Variants in HS6ST2 observed in about 807,000 individuals in gnomAD.
HS6ST2 encodes the protein heparan-sulfate 6-O-sulfotransferase 2.
In HS6ST2, 17 loss-of-function variants were observed where a neutral mutation model predicts 33.0. The ratio of observed to expected loss-of-function variants is 0.52; its 90% CI spans 0.35 to 0.77. The LOEUF is 0.77. HS6ST2 is among the 30% of genes least tolerant of loss of function. The pLI is 0.01. For missense variants in HS6ST2, 519 were observed against 551.7 expected (o/e 0.94, Z 0.59); for synonymous variants, 248 against 237.1 (o/e 1.05, Z -0.42).
At chrX:132,838,339 GA>G (rs60047696) in intron 2 of HS6ST2, among the ~76,000 whole-genome samples, 1,260 of 111,832 alleles carry the variant, frequency 0.011, 22 homozygotes, top group African/African-American at 0.039. Context: ...CCCTGTATCT[GA>G]AAGCAAGTAG....
chrX:132,910,480 A>G (rs1478425410), intron 2 of HS6ST2, among the ~76,000 whole-genome samples: 5 of 111,911 alleles, frequency 4.5e-5, no homozygotes, highest in Non-Finnish European at 5.6e-5. Flanking sequence ...CAACTTATAT[A>G]TATTCTTTCA....
At chrX:132,892,219 T>A (rs1248377292) in intron 2 of HS6ST2, among the ~76,000 whole-genome samples, 1 of 112,375 alleles carries the variant, frequency 8.9e-6, no homozygotes, top group East Asian at 2.8e-4. Flanking sequence ...CTGTAAATTT[T>A]CAACAGTATT....
chrX:132,916,720 G>T (rs2213463), intron 2 of HS6ST2, among the ~76,000 whole-genome samples: 2 of 110,666 alleles, frequency 1.8e-5, no homozygotes, highest in African/African-American at 6.6e-5. Flanking sequence ...AGCTTTTGGA[G>T]TCTGGGACTT....
chrX:132,690,789 C>T (rs2064058012), intron 3 of HS6ST2, among the ~76,000 whole-genome samples: 2 of 111,830 alleles, frequency 1.8e-5, no homozygotes, highest in Non-Finnish European at 3.8e-5. Context: ...TAAGAAATTA[C>T]AGGAACATAA....
chrX:132,882,000 C>T (rs1288505039), intron 2 of HS6ST2, among the ~76,000 whole-genome samples: 9 of 111,401 alleles, frequency 8.1e-5, no homozygotes, highest in Non-Finnish European at 1.7e-4. Flanking sequence ...GTTTTGGTAC[C>T]AGTACCATGC....
chrX:132,708,559 A>G, intron 2 of HS6ST2, 65 bp from the exon 3 acceptor site: 1 of 979,290 alleles, frequency 1.0e-6, no homozygotes, highest in Non-Finnish European at 1.4e-6. Context: ...TAAAATAATA[A>G]AAGTTTTCCA....
chrX:132,886,873 G>A (rs1217429980), intron 2 of HS6ST2, among the ~76,000 whole-genome samples: 6 of 111,420 alleles, frequency 5.4e-5, no homozygotes, highest in African/African-American at 1.3e-4. Flanking sequence ...GGTGGCTCAC[G>A]CCTGTAATCC....
At chrX:132,900,305 G>A (rs1289353378) in intron 2 of HS6ST2, among the ~76,000 whole-genome samples, 2 of 111,816 alleles carry the variant, frequency 1.8e-5, no homozygotes, top group South Asian at 3.7e-4. Context: ...AATAACACCA[G>A]ATGGGATGCT....
intron 2 of HS6ST2, among the ~76,000 whole-genome samples, chrX:132,744,952 GTTTGT>G (rs2064622522): frequency 1.8e-5 from 2 of 112,015 alleles, no homozygotes; most frequent in African/African-American, 6.5e-5. Context: ...TTTTTTGTTT[GTTTGT>G]TTTAACTTTT....
chrX:132,680,673 G>A (rs1402440868), intron 3 of HS6ST2, among the ~76,000 whole-genome samples: 1 of 111,003 alleles, frequency 9.0e-6, no homozygotes, highest in African/African-American at 3.3e-5. Context: ...GATCTAGTCT[G>A]GGGGCATGAG....
intron 2 of HS6ST2, among the ~76,000 whole-genome samples, chrX:132,745,535 G>T (rs926442617): frequency 2.7e-5 from 3 of 112,158 alleles, no homozygotes; most frequent in African/African-American, 9.7e-5. Flanking sequence ...CAAATACTTT[G>T]TACCCTTACC....
At chrX:132,788,993 GA>G (rs1446758625) in intron 2 of HS6ST2, among the ~76,000 whole-genome samples, 1 of 112,684 alleles carries the variant, frequency 8.9e-6, no homozygotes, top group East Asian at 2.8e-4. Flanking sequence ...AGTTCAAAGT[GA>G]AACAGCAAGT....
chrX:132,877,130 C>T (rs921190951), intron 2 of HS6ST2, among the ~76,000 whole-genome samples: 1 of 111,843 alleles, frequency 8.9e-6, no homozygotes, highest in African/African-American at 3.3e-5. Flanking sequence ...ATGCACATCC[C>T]CCAAGGGCTG....
At chrX:132,790,506 G>A (rs777585266) in intron 2 of HS6ST2, among the ~76,000 whole-genome samples, 12 of 111,757 alleles carry the variant, frequency 1.1e-4, no homozygotes, top group Non-Finnish European at 2.3e-4. Context: ...GAAACCCGCA[G>A]TATCTCTAAG....
chrX:132,638,188 G>A (rs1045289237), intron 4 of HS6ST2, among the ~76,000 whole-genome samples: 2 of 105,446 alleles, frequency 1.9e-5, no homozygotes, highest in African/African-American at 6.9e-5. Flanking sequence ...TAAATGACTG[G>A]GTCAAAGCAA....
intron 4 of HS6ST2, among the ~76,000 whole-genome samples, chrX:132,636,709 G>C: frequency 9.0e-6 from 1 of 111,536 alleles, no homozygotes; most frequent in South Asian, 3.8e-4. Context: ...TTTCTGGGCC[G>C]AAGTCCTGTT....
chrX:132,794,475 C>T (rs1311401002), intron 2 of HS6ST2, among the ~76,000 whole-genome samples: 1 of 110,344 alleles, frequency 9.1e-6, no homozygotes, highest in Non-Finnish European at 1.9e-5. Context: ...CTCACTGCAG[C>T]CCTGTCCTCC....
chrX:132,754,223 T>C (rs1044445938), intron 2 of HS6ST2, among the ~76,000 whole-genome samples: 1 of 110,500 alleles, frequency 9.0e-6, no homozygotes, highest in African/African-American at 3.3e-5. Context: ...GTTTTTCTCA[T>C]AAGTAGGCTG....
chrX:132,687,787 T>C (rs1426458406), intron 3 of HS6ST2, among the ~76,000 whole-genome samples: 1 of 110,174 alleles, frequency 9.1e-6, no homozygotes, highest in Non-Finnish European at 1.9e-5. Context: ...CTTGCTCTTG[T>C]CCCCCAGGCT....
Sources: allele counts gnomAD v4.1 joint callset (sites outside exome capture counted in the v4.1 genomes callset), GRCh38; gene constraint gnomAD v4.1.1; transcripts MANE v1.5; gene names NCBI Gene and HGNC (gene_info 2026-07-23, HGNC 2026-07-21).